ARHGEF7: variants seen among roughly 807,000 people sequenced by gnomAD.
The protein encoded by ARHGEF7 is PAK-interacting exchange factor beta.
In ARHGEF7, 33 loss-of-function variants were observed where a neutral mutation model predicts 109.8. The ratio of observed to expected loss-of-function variants is 0.30; its 90% confidence interval spans 0.23 to 0.40. The LOEUF is 0.40. Ranked by LOEUF, ARHGEF7 falls within the 10% of genes least tolerant of loss-of-function variation. The probability of loss-of-function intolerance (pLI) is 1.00; values close to 1 mark genes in which losing one functional copy is unlikely to be tolerated. For missense variants in ARHGEF7, 938 were observed against 1,098.5 expected (o/e 0.85, Z 2.07); for synonymous variants, 458 against 424.6 (o/e 1.08, Z -0.97).
intron 6 of ARHGEF7, among the ~76,000 whole-genome samples, chr13:111,235,886 GACTGGTGTGGACCAATGGTGTTAAGGAAA>G (rs1458291821): frequency 1.3e-5 from 2 of 152,216 alleles, no homozygotes; most frequent in African/African-American, 4.8e-5. Flanking sequence ...TAAAGGGTAA[GACTGGTGTGGACCAATGGTGTTAAGGAAA>G]TTTACATGAA....
intron 1 of ARHGEF7, among the ~76,000 whole-genome samples, chr13:111,140,188 A>G (rs1324192617): frequency 1.3e-5 from 2 of 152,218 alleles, no homozygotes; most frequent in African/African-American, 2.4e-5. Context: ...CTGTCTGTAT[A>G]TGCCATCTGT....
chr13:111,197,383 C>T (rs1401893133), intron 2 of ARHGEF7, among the ~76,000 whole-genome samples: 1 of 152,168 alleles, frequency 6.6e-6, no homozygotes, highest in Admixed American at 6.5e-5. Context: ...CCGACGCATT[C>T]TCGTAAAACC....
chr13:111,265,092 C>G (rs2091483146), intron 8 of ARHGEF7, among the ~76,000 whole-genome samples: 1 of 141,404 alleles, frequency 7.1e-6, no homozygotes. Flanking sequence ...CCATTACACT[C>G]CAGCCTGGGT....
chr13:111,150,515 TG>T (rs2075835882), intron 1 of ARHGEF7, among the ~76,000 whole-genome samples: 1 of 152,250 alleles, frequency 6.6e-6, no homozygotes, highest in South Asian at 2.1e-4. Flanking sequence ...TTTTTTACAT[TG>T]TTTTTTATAT....
intron 2 of ARHGEF7, among the ~76,000 whole-genome samples, chr13:111,163,222 G>C (rs982339833): frequency 6.6e-6 from 1 of 152,194 alleles, no homozygotes; most frequent in East Asian, 1.9e-4. Flanking sequence ...ACATTTTGTA[G>C]GTAGTTTAAA....
chr13:111,179,560 C>T (rs971931206), intron 2 of ARHGEF7, among the ~76,000 whole-genome samples: 2 of 152,276 alleles, frequency 1.3e-5, no homozygotes, highest in South Asian at 2.1e-4. Flanking sequence ...ATGCTATATC[C>T]TATAATGTTA....
At chr13:111,302,536 G>A (rs1054707648) in intron 21 of ARHGEF7, among the ~76,000 whole-genome samples, 2 of 152,196 alleles carry the variant, frequency 1.3e-5, no homozygotes, top group Non-Finnish European at 2.9e-5. Flanking sequence ...GCATCTGTTT[G>A]TGCATGCCTC....
At chr13:111,222,674 C>A (rs1394970293) in intron 5 of ARHGEF7, among the ~76,000 whole-genome samples, 1 of 152,230 alleles carries the variant, frequency 6.6e-6, no homozygotes, top group African/African-American at 2.4e-5. Context: ...AGTGATCCAC[C>A]TGCCTCAGCC....
At chr13:111,233,988 A>G (rs1566914768) in intron 6 of ARHGEF7, among the ~76,000 whole-genome samples, 1 of 152,240 alleles carries the variant, frequency 6.6e-6, no homozygotes, top group Non-Finnish European at 1.5e-5. Flanking sequence ...TAAAGAATTT[A>G]TTAAAATTTT....
At chr13:111,168,978 C>T (rs899203396) in intron 2 of ARHGEF7, among the ~76,000 whole-genome samples, 1 of 152,196 alleles carries the variant, frequency 6.6e-6, no homozygotes. Flanking sequence ...CAATTTGAAG[C>T]AGACCTTATC....
rs115843018 is a variant in ARHGEF7, at chr13:111,254,572, C to T, written c.950+10278C>T. ...TCGGGCTAAGGCGCTGAGTCACTAA[C>T]GTGAAGGCTGGCCTCAGAAGAGGAT... On this transcript the variant is annotated intron_variant, in intron 8 of 21. Transcript: ENST00000646102. Among the ~76,000 whole-genome samples, 247 of 145,484 alleles carry T rather than the reference C, an allele frequency of 1.7e-3. 2 individuals carry two copies. Among genetic ancestry groups the T allele is most frequent in the African/African-American group, 6.3e-3 (227 of 35,858 alleles).
At chr13:111,176,095 T>A (rs371659998) in intron 2 of ARHGEF7, among the ~76,000 whole-genome samples, 1 of 151,778 alleles carries the variant, frequency 6.6e-6, no homozygotes, top group Non-Finnish European at 1.5e-5. Flanking sequence ...AGATAAAGAG[T>A]TGGTTGGGGA....
intron 1 of ARHGEF7, among the ~76,000 whole-genome samples, chr13:111,140,545 C>T (rs1594955658): frequency 6.6e-6 from 1 of 151,962 alleles, no homozygotes; most frequent in Non-Finnish European, 1.5e-5. Flanking sequence ...GCCTGCCTGG[C>T]GAGTTCCAGA....
At chr13:111,226,598 G>GA (rs1422279428) in intron 5 of ARHGEF7, among the ~76,000 whole-genome samples, 4 of 151,998 alleles carry the variant, frequency 2.6e-5, no homozygotes, top group Non-Finnish European at 4.4e-5. Context: ...TCCCACTCAG[G>GA]AAAAAAAGAT....
At chr13:111,195,858 G>C (rs985319518) in intron 2 of ARHGEF7, among the ~76,000 whole-genome samples, 1 of 152,112 alleles carries the variant, frequency 6.6e-6, no homozygotes, top group African/African-American at 2.4e-5. Flanking sequence ...CTGTCTGAGG[G>C]CCATGACTAA....
At chr13:111,136,190 C>T (rs572303141) in intron 1 of ARHGEF7, among the ~76,000 whole-genome samples, 2 of 152,194 alleles carry the variant, frequency 1.3e-5, no homozygotes, top group African/African-American at 4.8e-5. Context: ...CTCCTGGATT[C>T]GGTTTGCCAG....
At chr13:111,197,386 G>T (rs72653503) in intron 2 of ARHGEF7, among the ~76,000 whole-genome samples, 3,546 of 152,240 alleles carry the variant, frequency 0.023, 70 homozygotes, top group Middle Eastern at 0.11. Context: ...ACGCATTCTC[G>T]TAAAACCTGC....
intron 15 of ARHGEF7, among the ~76,000 whole-genome samples, chr13:111,281,650 A>T (rs980784412): frequency 1.3e-5 from 2 of 152,082 alleles, no homozygotes; most frequent in African/African-American, 4.8e-5. Flanking sequence ...TATCCCAGGG[A>T]CGTGTGTGTA....
intron 2 of ARHGEF7, among the ~76,000 whole-genome samples, chr13:111,189,247 G>C (rs932405477): frequency 1.1e-4 from 16 of 152,190 alleles, no homozygotes; most frequent in Admixed American, 1.0e-3. Context: ...TGGGTTCTTG[G>C]TCTCGCTGAC....
Sources: allele counts gnomAD v4.1 joint callset (sites outside exome capture counted in the v4.1 genomes callset), GRCh38; gene constraint gnomAD v4.1.1; transcripts MANE v1.5; gene names NCBI Gene and HGNC (gene_info 2026-07-23, HGNC 2026-07-21).